ORC1: variants seen among roughly 807,000 people sequenced by gnomAD.
The protein encoded by ORC1 is origin recognition complex subunit 1.
ORC1 carries 61 observed loss-of-function variants against 98.9 expected under a neutral mutation model. That is an observed-to-expected ratio of 0.62 (90% confidence interval 0.50 to 0.76). The LOEUF (loss-of-function observed/expected upper bound fraction) is 0.76. Ranked by LOEUF, ORC1 falls within the 30% of genes least tolerant of loss-of-function variation. The probability of loss-of-function intolerance (pLI) is 0.00; values close to 1 mark genes in which losing one functional copy is unlikely to be tolerated. For synonymous variants in ORC1, 385 were observed against 406.9 expected (o/e 0.95, Z 0.65); for missense variants, 979 against 1,072.2 (o/e 0.91, Z 1.21).
chr1:52,404,776 G>A (rs1475746012), upstream of ORC1: 2 of 1,613,870 alleles, frequency 1.2e-6, no homozygotes, highest in African/African-American at 1.3e-5. Context: ...TGAAGGATGC[G>A]CACAGCATCC....
rs951523199 is a variant in ORC1, at chr1:52,383,462, G to A, written c.1971C>T (p.Asp657=). 1 of 1,613,252 alleles carries A rather than the reference G, an allele frequency of 6.2e-7. No homozygotes were observed. The highest frequency in any genetic ancestry group is 1.7e-5 in the Admixed American group (1 of 60,020). Residue 657 remains aspartate (D), a synonymous_variant, in exon 13 of 17, where the codon GAC becomes GAT. Coordinates refer to ENST00000371568, the MANE Select transcript of ORC1 (RefSeq NM_004153.4). Reference sequence around the variant, plus strand: ...GGTTCATCATGATTCGCTCTGGCAGGTCCATTGTGTTGGCAATTGCCAGGA... The same window carrying A: ...GGTTCATCATGATTCGCTCTGGCAGATCCATTGTGTTGGCAATTGCCAGGA... ...LVVLAIANTM[D]LPERIMMNRV...
rs571373393 is a variant in ORC1 at position 52,373,580 on chromosome 1, G to A, written c.2392-205C>T. Among the ~76,000 whole-genome samples the A allele has an allele frequency of 5.3e-5, 8 of 152,232 alleles. No homozygotes were observed. In the East Asian group the frequency reaches 7.7e-4, roughly 15 times the overall value. On this transcript the variant is annotated intron_variant, in intron 16 of 16. Transcript: ENST00000371568. ...CTTGGAATCAGAAAACAGCAGGCCC[G>A]AATCCTGGTGCTACCATTTACCTAA...
intron 14 of ORC1, among the ~76,000 whole-genome samples, chr1:52,376,618 C>T (rs985206753): frequency 2.0e-5 from 3 of 152,152 alleles, no homozygotes; most frequent in African/African-American, 4.8e-5. Context: ...GCCCTTCCTG[C>T]TTCGTCAGTT....
chr1:52,401,325 G>C lies in ORC1; in HGVS notation c.223+37C>G, dbSNP rs554050382. On this transcript the variant is annotated intron_variant, in intron 3 of 16. Coordinates refer to ENST00000371568, the MANE Select transcript of ORC1 (RefSeq NM_004153.4). ...ATCTCCCCACCTCCCAATCATTCAT[G>C]ACAAGGAATGGTTTATTATTCCAGT... The C allele has an allele frequency of 3.7e-6, 6 of 1,612,806 alleles. No homozygotes were observed. The African/African-American group carries it at 8.0e-5, about 21-fold the overall frequency.
At chr1:52,380,542 A>T (rs1647054956) in intron 14 of ORC1, among the ~76,000 whole-genome samples, 2 of 152,148 alleles carry the variant, frequency 1.3e-5, no homozygotes, top group African/African-American at 4.8e-5. Flanking sequence ...CTAAAATACA[A>T]AAATTAGCTG....
At chr1:52,393,915 T>A in intron 5 of ORC1, 112 bp from the exon 6 acceptor site, 1 of 1,186,444 alleles carries the variant, frequency 8.4e-7, no homozygotes, top group Non-Finnish European at 1.2e-6. Flanking sequence ...GAATTATCTA[T>A]ATTTTTAATC....
At chr1:52,407,883 G>A (rs371706247), upstream of ORC1, among the ~76,000 whole-genome samples, 3 of 152,100 alleles carry the variant, frequency 2.0e-5, no homozygotes, top group Non-Finnish European at 4.4e-5. Flanking sequence ...TGGCAAAACC[G>A]GTCCCTACTA....
chr1:52,398,389 G>A (rs1325300029), intron 3 of ORC1, among the ~76,000 whole-genome samples: 4 of 151,032 alleles, frequency 2.6e-5, no homozygotes, highest in East Asian at 3.9e-4. Context: ...TCAACCTCCC[G>A]AGTAGCTGGG....
At position 52,393,502 on chromosome 1, in the gene ORC1, C is replaced by T. The variant is rs1341477244; in HGVS notation, c.1023G>A (p.Gly341=). 7 of 1,613,936 alleles carry T rather than the reference C, an allele frequency of 4.3e-6. No homozygotes were observed. In the Admixed American group the frequency reaches 1.2e-4, roughly 27 times the overall value. ...ATGGCACCACTGAAGATCTCTGTCCCCCACTGATAGGGGTAAGTGTTCTCT... is the reference window on the plus strand; with the variant it reads ...ATGGCACCACTGAAGATCTCTGTCCTCCACTGATAGGGGTAAGTGTTCTCT... ...REERTLTPIS[G]GQRSSVVPSV... Residue 341 remains glycine, a synonymous_variant, in exon 6 of 17, where the codon GGG becomes GGA. Transcript: ENST00000371568.
intron 14 of ORC1, among the ~76,000 whole-genome samples, chr1:52,376,420 C>T (rs1273791640): frequency 6.6e-6 from 1 of 152,000 alleles, no homozygotes; most frequent in Non-Finnish European, 1.5e-5. Flanking sequence ...GAGGCTGAGG[C>T]AGGAGAGTCA....
At chr1:52,389,032 G>T (rs888256099) in intron 7 of ORC1, among the ~76,000 whole-genome samples, 185 bp downstream of exon 7, 2 of 152,140 alleles carry the variant, frequency 1.3e-5, no homozygotes, top group African/African-American at 4.8e-5. Flanking sequence ...CCTAAGCCCA[G>T]GAAGTATTTC....
At chr1:52,401,678 T>G (rs994121195) in intron 2 of ORC1, among the ~76,000 whole-genome samples, 189 bp from the exon 3 acceptor site, 2 of 152,192 alleles carry the variant, frequency 1.3e-5, no homozygotes, top group Admixed American at 1.3e-4. Context: ...TTGTTTTAGC[T>G]GAGTAATGAA....
Position 52,396,130 on chromosome 1 carries a change from C to G in ORC1, c.637G>C (p.Glu213Gln), listed in dbSNP as rs1359730416. The G allele has an allele frequency of 6.2e-7, 1 of 1,614,034 alleles. No homozygotes were observed. Among genetic ancestry groups the G allele is most frequent in the Non-Finnish European group, 8.5e-7 (1 of 1,180,046 alleles). The stretch of plus-strand genomic sequence containing the variant: ...GATTTGGAGGCGGAGTGCCTTGATT[C>G]AATCCTTTTGGCCACATGTTCTGCT... ...TPAEHVAKRI[E>Q]SRHSASKSRQ... The change falls in exon 5 of 17, where the codon GAA (glutamate) becomes CAA (glutamine). Residue 213 changes from glutamate to glutamine, a missense_variant. Transcript: ENST00000371568.
At chr1:52,384,811 G>T in intron 10 of ORC1, 90 bp from the exon 11 acceptor site, 1 of 1,162,022 alleles carries the variant, frequency 8.6e-7, no homozygotes, top group Non-Finnish European at 1.2e-6. Context: ...TATACTGAGG[G>T]AAGGACCGAG....
chr1:52,395,667 T>C (rs540148897), intron 5 of ORC1, among the ~76,000 whole-genome samples: 10 of 152,178 alleles, frequency 6.6e-5, no homozygotes, highest in Non-Finnish European at 1.0e-4. Context: ...TAAAATAAAA[T>C]TAGCCAGGCA....
Position 52,383,496 on chromosome 1 carries a change from C to T in ORC1, c.1937G>A (p.Arg646Gln), listed in dbSNP as rs761707100. Reference protein sequence around the residue: ...LFDWPTHKEARLVVLAIANTM... With the variant: ...LFDWPTHKEAQLVVLAIANTM... ...GTTGGCAATTGCCAGGACCACAAGC[C>T]GGGCCTCCTTATGAGTGGGCCAGTC... The change falls in exon 13 of 17, where the codon CGG becomes CAG. Residue 646 changes from arginine (R) to glutamine (Q), a missense_variant. Transcript: ENST00000371568. 6 of 1,613,774 alleles carry T rather than the reference C, an allele frequency of 3.7e-6. No homozygotes were observed. The highest frequency in any genetic ancestry group is 1.3e-5 in the African/African-American group (1 of 75,018).
At chr1:52,391,355 G>A in intron 6 of ORC1, among the ~76,000 whole-genome samples, 1 of 148,402 alleles carries the variant, frequency 6.7e-6, no homozygotes. Context: ...ATTGGAAAAA[G>A]TCTTCTAGAC....
At chr1:52,384,454 T>C (rs934819603) in intron 11 of ORC1, 96 bp downstream of exon 11, 8 of 1,108,652 alleles carry the variant, frequency 7.2e-6, no homozygotes, top group Non-Finnish European at 9.6e-6. Flanking sequence ...TGGTATATCA[T>C]GAACATGCAA....
At chr1:52,403,171 T>A (rs1290186577) in intron 1 of ORC1, among the ~76,000 whole-genome samples, 1 of 152,178 alleles carries the variant, frequency 6.6e-6, no homozygotes, top group Non-Finnish European at 1.5e-5. Flanking sequence ...ACCCACAAAA[T>A]GGAGAAAATA....
Sources: allele counts gnomAD v4.1 joint callset (sites outside exome capture counted in the v4.1 genomes callset), GRCh38; gene constraint gnomAD v4.1.1; transcripts MANE v1.5; gene names NCBI Gene and HGNC (gene_info 2026-07-23, HGNC 2026-07-21).